The following CTNNA3 variants were observed in gnomAD, a reference collection of about 807,000 sequenced individuals.
CTNNA3 encodes catenin alpha-3.
CTNNA3 carries 76 observed loss-of-function variants against 95.7 expected under a neutral mutation model. The ratio of observed to expected loss-of-function variants is 0.79; its 90% CI spans 0.66 to 0.96. CTNNA3 has a LOEUF of 0.96. Among genes scored for constraint, CTNNA3 ranks in the 40% least tolerant of loss-of-function variants. The probability of loss-of-function intolerance (pLI) is 0.00; values close to 1 mark genes in which losing one functional copy is unlikely to be tolerated. For missense variants in CTNNA3, 1,191 were observed against 1,089.8 expected, an observed-to-expected ratio of 1.09 and a Z score of -1.31; for synonymous variants, 431 against 374.4, an observed-to-expected ratio of 1.15 and a Z score of -1.74.
chr10:67,466,135 T>C (rs774150978), intron 5 of CTNNA3, among the ~76,000 whole-genome samples: 8 of 152,200 alleles, frequency 5.3e-5, no homozygotes, highest in Non-Finnish European at 8.8e-5. Flanking sequence ...ATATGCACCA[T>C]AATTTGTTTC....
rs904603929 is a variant in CTNNA3, at chr10:66,642,346, A to T, written c.1282-20562T>A. 2.6e-5 allele frequency among the ~76,000 whole-genome samples: 4 copies of T among 151,980 alleles called. No individual in the cohort carries two copies. In the South Asian group the frequency reaches 8.3e-4, roughly 32 times the overall value. On this transcript the variant is annotated intron_variant, in intron 9 of 17. Coordinates refer to ENST00000433211, the MANE Select transcript of CTNNA3 (RefSeq NM_013266.4). Reference sequence around the variant, plus strand: ...ATCTTACATTCCCTCCACCCAGAAAACATGACTAGGTCATTTAAACAGTAC... The same window carrying T: ...ATCTTACATTCCCTCCACCCAGAAATCATGACTAGGTCATTTAAACAGTAC...
At chr10:67,455,640 G>A (rs1399054254) in intron 5 of CTNNA3, among the ~76,000 whole-genome samples, 1 of 152,062 alleles carries the variant, frequency 6.6e-6, no homozygotes. Flanking sequence ...TACCTTTGTG[G>A]TCATCCTCCC....
chr10:66,204,155 T>G (rs1464814078), intron 13 of CTNNA3, among the ~76,000 whole-genome samples: 1 of 152,148 alleles, frequency 6.6e-6, no homozygotes, highest in Non-Finnish European at 1.5e-5. Context: ...ATAGTTGTTT[T>G]AAATAAAAGA....
chr10:66,314,635 T>C (rs1429198403), intron 12 of CTNNA3, among the ~76,000 whole-genome samples: 1 of 152,108 alleles, frequency 6.6e-6, no homozygotes, highest in Non-Finnish European at 1.5e-5. Context: ...TCTCTGAGCT[T>C]CAATATCTTA....
chr10:66,035,776 A>G (rs1291429229), intron 15 of CTNNA3, among the ~76,000 whole-genome samples: 1 of 152,114 alleles, frequency 6.6e-6, no homozygotes, highest in African/African-American at 2.4e-5. Flanking sequence ...GCTTATAGTG[A>G]GAAGTCTAGA....
intron 15 of CTNNA3, among the ~76,000 whole-genome samples, chr10:65,999,460 A>T (rs960816605): frequency 6.6e-6 from 1 of 152,176 alleles, no homozygotes; most frequent in Non-Finnish European, 1.5e-5. Context: ...TTAAATGCAT[A>T]CCTTGTTAGG....
chr10:67,637,517 C>T (rs946791646), intron 2 of CTNNA3, among the ~76,000 whole-genome samples: 1 of 152,100 alleles, frequency 6.6e-6, no homozygotes, highest in Non-Finnish European at 1.5e-5. Context: ...CAGAGAATAC[C>T]ACAAAGATAT....
intron 5 of CTNNA3, among the ~76,000 whole-genome samples, chr10:67,493,731 C>G (rs1293163817): frequency 6.6e-6 from 1 of 152,064 alleles, no homozygotes; most frequent in African/African-American, 2.4e-5. Context: ...ACATTCGACT[C>G]CCTCGCTTCT....
intron 16 of CTNNA3, among the ~76,000 whole-genome samples, chr10:65,971,091 AC>A (rs1564549105): frequency 6.6e-6 from 1 of 151,916 alleles, no homozygotes; most frequent in Non-Finnish European, 1.5e-5. Context: ...TAAGGCAGTA[AC>A]CAAAAAATTC....
chr10:65,995,341 G>A (rs530131139), intron 15 of CTNNA3, among the ~76,000 whole-genome samples: 1 of 152,058 alleles, frequency 6.6e-6, no homozygotes, highest in Non-Finnish European at 1.5e-5. Flanking sequence ...CTGTAGTGTT[G>A]GTTTCACAGG....
At chr10:67,000,357 T>G (rs1166773767) in intron 7 of CTNNA3, among the ~76,000 whole-genome samples, 4 of 152,182 alleles carry the variant, frequency 2.6e-5, no homozygotes, top group Non-Finnish European at 5.9e-5. Flanking sequence ...AGACAGCTGA[T>G]GACGAAAGTT....
intron 13 of CTNNA3, among the ~76,000 whole-genome samples, chr10:66,247,619 A>G (rs2090389491): frequency 6.6e-6 from 1 of 152,190 alleles, no homozygotes. Context: ...TAAATAACAT[A>G]TAAGAGAGCT....
At chr10:67,618,215 A>G (rs1340512649) in intron 2 of CTNNA3, among the ~76,000 whole-genome samples, 5 of 152,216 alleles carry the variant, frequency 3.3e-5, no homozygotes, top group Non-Finnish European at 2.9e-5. Flanking sequence ...AGCAAAACAA[A>G]AAGTAAAAAA....
chr10:67,111,355 C>T (rs10762139), intron 7 of CTNNA3, among the ~76,000 whole-genome samples: 83,914 of 151,910 alleles, frequency 0.55, 24,467 homozygotes, highest in African/African-American at 0.75. Flanking sequence ...CCAAAGTAAG[C>T]CTTTCTTTTT....
chr10:65,941,914 T>G (rs1383251861), intron 17 of CTNNA3, among the ~76,000 whole-genome samples: 1 of 152,208 alleles, frequency 6.6e-6, no homozygotes, highest in East Asian at 1.9e-4. Flanking sequence ...TATGTCTTAT[T>G]TCTAGAACTG....
chr10:66,830,852 G>A (rs868367788), intron 7 of CTNNA3, among the ~76,000 whole-genome samples: 6 of 152,030 alleles, frequency 3.9e-5, no homozygotes, highest in South Asian at 4.1e-4. Context: ...CTCGTGATCC[G>A]CCTGCCTCGG....
At chr10:66,686,329 A>G (rs2132519994) in intron 9 of CTNNA3, among the ~76,000 whole-genome samples, 1 of 152,298 alleles carries the variant, frequency 6.6e-6, no homozygotes, top group East Asian at 1.9e-4. Context: ...GCTGAGCATA[A>G]TGACACACCT....
chr10:67,512,503 C>G (rs138850107), intron 5 of CTNNA3, among the ~76,000 whole-genome samples: 3 of 152,220 alleles, frequency 2.0e-5, no homozygotes, highest in African/African-American at 7.2e-5. Context: ...CTAGGATATA[C>G]TTTAAAGGTT....
intron 11 of CTNNA3, among the ~76,000 whole-genome samples, chr10:66,416,549 TTA>T (rs201016174): frequency 0.27 from 36,898 of 137,120 alleles, 4,804 homozygotes; most frequent in African/African-American, 0.35. Context: ...ATTTTTTTTT[TTA>T]AAAAAAAGCA....
Sources: allele counts gnomAD v4.1 joint callset (sites outside exome capture counted in the v4.1 genomes callset), GRCh38; gene constraint gnomAD v4.1.1; transcripts MANE v1.5; gene names NCBI Gene and HGNC (gene_info 2026-07-23, HGNC 2026-07-21).